NAALADL2: variants seen among roughly 807,000 people sequenced by gnomAD.
NAALADL2 encodes N-acetylated alpha-linked acidic dipeptidase like 2.
NAALADL2 carries 76 observed loss-of-function variants against 87.2 expected under a neutral mutation model. That is an observed-to-expected ratio of 0.87 (90% CI 0.72 to 1.05). The LOEUF (loss-of-function observed/expected upper bound fraction) is 1.05, where lower values mean the gene tolerates loss of function less well. NAALADL2 is among the 50% of genes least tolerant of loss of function. The pLI is 0.00. For synonymous variants in NAALADL2, 354 were observed against 331.0 expected (o/e 1.07, Z -0.75); for missense variants, 1,089 against 945.8 (o/e 1.15, Z -1.99).
intron 1 of NAALADL2, among the ~76,000 whole-genome samples, chr3:174,944,065 C>G (rs964463872): frequency 6.6e-6 from 1 of 152,116 alleles, no homozygotes; most frequent in Non-Finnish European, 1.5e-5. Context: ...CTGCGGTATG[C>G]TAGGCACTCA....
chr3:175,686,331 C>T (rs1232764018), intron 11 of NAALADL2, among the ~76,000 whole-genome samples: 1 of 151,936 alleles, frequency 6.6e-6, no homozygotes. Context: ...AGATACAGAC[C>T]GTCTTTTAAA....
intron 1 of NAALADL2, among the ~76,000 whole-genome samples, chr3:174,541,924 A>G (rs941137827): frequency 1.5e-5 from 2 of 132,842 alleles, no homozygotes; most frequent in South Asian, 4.9e-4. Context: ...AAGCAGCAGC[A>G]GCGTACAGCA....
intron 1 of NAALADL2, among the ~76,000 whole-genome samples, chr3:175,011,954 G>A (rs894365116): frequency 6.6e-6 from 1 of 152,136 alleles, no homozygotes; most frequent in African/African-American, 2.4e-5. Context: ...CGCCATTACA[G>A]TCAATAAGAA....
intron 1 of NAALADL2, among the ~76,000 whole-genome samples, chr3:174,950,364 T>C (rs1182649283): frequency 1.3e-5 from 2 of 152,114 alleles, no homozygotes; most frequent in Non-Finnish European, 2.9e-5. Flanking sequence ...CCACAAATCC[T>C]TGGAAATATG....
intron 13 of NAALADL2, among the ~76,000 whole-genome samples, chr3:175,765,350 G>T (rs892387516): frequency 1.3e-5 from 2 of 151,940 alleles, no homozygotes. Flanking sequence ...AAAAGGAGCA[G>T]AAAAGCCCCC....
chr3:175,156,675 T>G (rs1277278720), intron 2 of NAALADL2, among the ~76,000 whole-genome samples: 1 of 146,476 alleles, frequency 6.8e-6, no homozygotes, highest in Admixed American at 6.8e-5. Flanking sequence ...TTGTCTATCC[T>G]TCAAAAATGC....
At chr3:174,598,801 T>C (rs1020148903) in intron 2 of NAALADL2, among the ~76,000 whole-genome samples, 20 of 152,336 alleles carry the variant, frequency 1.3e-4, no homozygotes, top group African/African-American at 4.6e-4. Context: ...TAGGAAGATA[T>C]ACTTAGCCAT....
At chr3:175,006,212 T>A (rs942947326) in intron 1 of NAALADL2, among the ~76,000 whole-genome samples, 1 of 152,172 alleles carries the variant, frequency 6.6e-6, no homozygotes, top group African/African-American at 2.4e-5. Context: ...AGGACTCCAG[T>A]CATTCTGATA....
intron 1 of NAALADL2, among the ~76,000 whole-genome samples, chr3:174,937,746 A>T (rs897381594): frequency 6.6e-6 from 1 of 152,042 alleles, no homozygotes; most frequent in Non-Finnish European, 1.5e-5. Context: ...TATGTGAGTC[A>T]TTTACTTTAA....
chr3:174,646,068 TGTG>T (rs1177435092), intron 2 of NAALADL2, among the ~76,000 whole-genome samples: 1 of 152,200 alleles, frequency 6.6e-6, no homozygotes, highest in Non-Finnish European at 1.5e-5. Context: ...AAAGTTATAA[TGTG>T]GTCTTTCAAC....
intron 11 of NAALADL2, among the ~76,000 whole-genome samples, chr3:175,700,675 C>T (rs1738868261): frequency 6.6e-6 from 1 of 152,066 alleles, no homozygotes; most frequent in Admixed American, 6.6e-5. Flanking sequence ...CTTAAAAAGT[C>T]TCTCAAATCT....
chr3:175,586,781 A>T (rs1720597030), intron 10 of NAALADL2, among the ~76,000 whole-genome samples: 1 of 152,190 alleles, frequency 6.6e-6, no homozygotes, highest in South Asian at 2.1e-4. Flanking sequence ...CTAATTAATG[A>T]CTCAGGTATA....
intron 1 of NAALADL2, among the ~76,000 whole-genome samples, chr3:174,882,617 A>ATATG: frequency 6.7e-6 from 1 of 148,664 alleles, no homozygotes; most frequent in Non-Finnish European, 1.5e-5. Flanking sequence ...ATATGTGCAT[A>ATATG]TGCATATATG....
At chr3:174,900,282 C>T (rs1732154342) in intron 1 of NAALADL2, among the ~76,000 whole-genome samples, 2 of 151,996 alleles carry the variant, frequency 1.3e-5, no homozygotes, top group Non-Finnish European at 2.9e-5. Context: ...GACATGCAAT[C>T]TCAATTCATG....
chr3:174,835,705 C>G (rs1723255355), intron 3 of NAALADL2, among the ~76,000 whole-genome samples: 1 of 152,086 alleles, frequency 6.6e-6, no homozygotes, highest in Non-Finnish European at 1.5e-5. Flanking sequence ...GTTGAATAGA[C>G]ACTTCTTTAA....
intron 1 of NAALADL2, among the ~76,000 whole-genome samples, chr3:174,890,189 G>T (rs900713707): frequency 2.0e-5 from 3 of 146,676 alleles, no homozygotes; most frequent in Non-Finnish European, 3.0e-5. Context: ...TAAAGAAAAA[G>T]AAATTTCTGC....
intron 13 of NAALADL2, among the ~76,000 whole-genome samples, chr3:175,796,604 A>C (rs549041966): frequency 5.6e-4 from 85 of 152,366 alleles, no homozygotes; most frequent in Admixed American, 5.0e-3. Flanking sequence ...TAAATACAGT[A>C]ATCTACTGTT....
chr3:175,130,900 G>T (rs1560066280), intron 2 of NAALADL2, among the ~76,000 whole-genome samples: 1 of 152,040 alleles, frequency 6.6e-6, no homozygotes, highest in South Asian at 2.1e-4. Flanking sequence ...GTCTTTTATG[G>T]TTCCATACAA....
chr3:175,292,449 A>AT (rs1016716778), intron 4 of NAALADL2, among the ~76,000 whole-genome samples: 5 of 152,224 alleles, frequency 3.3e-5, no homozygotes, highest in African/African-American at 1.2e-4. Context: ...GTGGGCTGCC[A>AT]TTTTTTATCT....
Sources: gnomAD v4.1 joint callset for allele counts (sites outside exome capture counted in the v4.1 genomes callset) on GRCh38, gnomAD v4.1.1 for gene constraint, MANE v1.5 for transcripts, NCBI Gene and HGNC (gene_info 2026-07-23, HGNC 2026-07-21) for gene names.